PKD1: variants seen among roughly 807,000 people sequenced by gnomAD.
PKD1 encodes the protein polycystin-1.
Under a neutral mutation model 361.7 loss-of-function variants are expected in PKD1, and 81 were observed. The observed-to-expected ratio is 0.22, with a 90% CI of 0.19 to 0.27. The LOEUF is 0.27. PKD1 is among the 10% of genes least tolerant of loss of function. The pLI is 1.00. For synonymous variants in PKD1, 3,615 were observed against 2,818.3 expected (o/e 1.28, Z -8.95); for missense variants, 6,399 against 6,118.3 (o/e 1.05, Z -1.53).
intron 40 of PKD1, 37 bp from the exon 41 acceptor site, chr16:2,091,943 CCCTTCCGGCACCCCGGA>C (rs773002078): frequency 2.5e-6 from 4 of 1,611,720 alleles, no homozygotes; most frequent in Non-Finnish European, 3.4e-6. Context: ...CGCACCCCAG[CCCTTCCGGCACCCCGGA>C]GCCAGGCTGG....
At chr16:2,091,661 T>C (rs961699986) in intron 41 of PKD1, 64 bp from the exon 42 acceptor site, 152 of 1,559,256 alleles carry the variant, frequency 9.7e-5, no homozygotes, top group Non-Finnish European at 1.3e-4. Flanking sequence ...GACCGCGCAG[T>C]GCAGGCGTGG....
intron 45 of PKD1, 28 bp from the exon 46 acceptor site, chr16:2,090,222 T>G (rs374478045): frequency 1.2e-5 from 19 of 1,608,664 alleles, no homozygotes; most frequent in Non-Finnish European, 1.6e-5. Context: ...GCTCAGTCAG[T>G]CCGGCTGCAC....
At position 2,135,667 on chromosome 16, in the gene PKD1, C is replaced by A. The variant is rs1366403752; in HGVS notation, c.23G>T (p.Arg8Leu). The change falls in exon 1 of 46, where the codon CGC (arginine) becomes CTC (leucine). Residue 8 changes from arginine (R) to leucine (L), a missense_variant. Arg to Leu is a moderately radical substitution (Grantham distance 102). Transcript: ENST00000262304. ...GCCCAGGCCCAGGGCCAGCGCCAGG[C>A]GGGCGGGCGCGGCGGGCGGCATCGT... MPPAAPA[R>L]LALALGLGLW... The A allele has an allele frequency of 2.6e-6, 2 of 762,670 alleles. No homozygotes were observed. Among genetic ancestry groups the A allele is most frequent in the Non-Finnish European group, 3.2e-6 (2 of 628,726 alleles). The allele number at this position is 762,670 out of a possible 1,614,324, so 47.2% of individuals were successfully genotyped here.
intron 21 of PKD1, among the ~76,000 whole-genome samples, chr16:2,105,047 G>C (rs1248673610): frequency 1.5e-5 from 2 of 132,390 alleles, no homozygotes; most frequent in Non-Finnish European, 3.3e-5. Flanking sequence ...GGGGAGGGGA[G>C]GGGAGAGTGG....
chr16:2,109,700 C>A lies in PKD1; in HGVS notation c.5467G>T (p.Val1823Leu). 6.3e-7 allele frequency: 1 copy of A among 1,596,290 alleles called. No individual in the cohort carries two copies. Among genetic ancestry groups the A allele is most frequent in the Non-Finnish European group, 8.5e-7 (1 of 1,172,946 alleles). Residue 1823 changes from valine to leucine, a missense_variant, in exon 15 of 46, where the codon GTG becomes TTG. Transcript: ENST00000262304. Reference protein sequence around the residue: ...GGSFVAAGSSVPFWGQLATGT... With the variant: ...GGSFVAAGSSLPFWGQLATGT... ...GTGGCCAGCTGCCCCCAAAAGGGCA[C>A]AGAGGACCCGGCCGCCACGAAGCTG... is the stretch of plus-strand genomic sequence containing the variant.
At chr16:2,114,047 G>C (rs2092585961) in intron 11 of PKD1, 123 bp downstream of exon 11, 6 of 850,090 alleles carry the variant, frequency 7.1e-6, no homozygotes, top group Non-Finnish European at 1.1e-5. Context: ...ACCTGCCCGG[G>C]GCCGACGTCC....
Position 2,092,936 on chromosome 16 carries a change from T to C in PKD1, c.11156+18A>G, listed in dbSNP as rs1240808379. On this transcript the variant is annotated intron_variant, in intron 38 of 45. Transcript: ENST00000262304. Reference sequence around the variant, plus strand: ...AACTAAAGCCCAGAAGACAGACCAGTGCACCGGATGCCCGTACCGCGTGAT... The same window carrying C: ...AACTAAAGCCCAGAAGACAGACCAGCGCACCGGATGCCCGTACCGCGTGAT... 1.2e-6 allele frequency: 2 copies of C among 1,612,918 alleles called. No homozygotes were observed. Among genetic ancestry groups the C allele is most frequent in the African/African-American group, 1.3e-5 (1 of 75,050 alleles).
chr16:2,112,091 T>TCGGGGCAG (rs1316227472), intron 14 of PKD1, among the ~76,000 whole-genome samples: 2 of 152,134 alleles, frequency 1.3e-5, no homozygotes, highest in African/African-American at 4.8e-5. Context: ...GCAGCTGCAC[T>TCGGGGCAG]CGGGGCAGCA....
At chr16:2,128,558 C>G (rs1167700694) in intron 1 of PKD1, among the ~76,000 whole-genome samples, 1 of 152,208 alleles carries the variant, frequency 6.6e-6, no homozygotes, top group Non-Finnish European at 1.5e-5. Flanking sequence ...CACGGCTTCT[C>G]AAAGAGCCTC....
rs2091258923 is a variant in PKD1, at chr16:2,088,826, C to T, written c.*901G>A. Reference sequence around the variant, plus strand: ...GGTACACAGAAGCAGGCACAGCCAGCTCCGAGGGCCTTGAGGCTGCCTGGG... The same window carrying T: ...GGTACACAGAAGCAGGCACAGCCAGTTCCGAGGGCCTTGAGGCTGCCTGGG... On this transcript the variant is annotated 3_prime_UTR_variant, in exon 46 of 46. Coordinates refer to ENST00000262304, the MANE Select transcript of PKD1 (RefSeq NM_001009944.3). 2 of 638,488 alleles carry T rather than the reference C, an allele frequency of 3.1e-6. No homozygotes were observed. Among genetic ancestry groups the T allele is most frequent in the Non-Finnish European group, 5.3e-6 (2 of 376,026 alleles). The allele number at this position is 638,488 out of a possible 1,614,324, so 39.6% of individuals were successfully genotyped here.
In PKD1 at chr16:2,106,716, G is replaced by T; in HGVS notation, c.7210-39C>A. The T allele has an allele frequency of 1.9e-6, 3 of 1,545,294 alleles. No individual in the cohort carries two copies. The highest frequency in any genetic ancestry group is 2.6e-6 in the Non-Finnish European group (3 of 1,140,626). Reference sequence around the variant, plus strand: ...GGGTGGTGAGGGGGCGCAACCCTCTGCCCTGTCAGCCCCACTTCTGCCTGC... The same window carrying T: ...GGGTGGTGAGGGGGCGCAACCCTCTTCCCTGTCAGCCCCACTTCTGCCTGC... On this transcript the variant is annotated intron_variant, in intron 17 of 45. Transcript: ENST00000262304. This position sits in a 1 kb window ranked among gnomAD's most constrained non-coding sequence, Gnocchi z 6.5.
At position 2,117,855 on chromosome 16, in the gene PKD1, G is replaced by A; in HGVS notation, c.1137C>T (p.Asn379=). The A allele has an allele frequency of 7.7e-7, 1 of 1,302,480 alleles. No homozygotes were observed. The allele number at this position is 1,302,480 out of a possible 1,614,324, so 80.7% of individuals were successfully genotyped here. ...SDESLDLSIQ[N]RGGSGLEAAY... ...CGGCCTCCAGGCCTGAACCACCGCG[G>A]TTCTGGATGCTGAGGTCGAGGCTCT... Residue 379 remains asparagine, a synonymous_variant, in exon 5 of 46, where the codon AAC becomes AAT. Coordinates refer to ENST00000262304, the MANE Select transcript of PKD1 (RefSeq NM_001009944.3).
rs1004095951 is a variant in PKD1 at position 2,115,777 on chromosome 16, G to A, written c.1850-152C>T. The A allele has an allele frequency of 3.9e-6, 4 of 1,026,674 alleles. No homozygotes were observed. The African/African-American group carries it at 6.6e-5, about 17-fold the overall frequency. 63.6% of individuals were successfully genotyped at this position (1,026,674 alleles called of 1,614,324 possible). On this transcript the variant is annotated intron_variant, in intron 9 of 45. Transcript: ENST00000262304. Reference sequence around the variant, plus strand: ...CAGCCCAGTGCTGCGTCCGTCTCCGGCCAGCCGACTGACCCAGGCCGGCCC... The same window carrying A: ...CAGCCCAGTGCTGCGTCCGTCTCCGACCAGCCGACTGACCCAGGCCGGCCC...
Position 2,089,529 on chromosome 16 carries a change from G to A in PKD1, c.*198C>T, listed in dbSNP as rs1457668261. The A allele has an allele frequency of 1.1e-5, 7 of 637,306 alleles. No individual in the cohort carries two copies. Among genetic ancestry groups the A allele is most frequent in the Admixed American group, 2.6e-5 (1 of 37,856 alleles). The allele number at this position is 637,306 out of a possible 1,614,324, so 39.5% of individuals were successfully genotyped here. Reference sequence around the variant, plus strand: ...GCTGTGTCCTTCCCAAGGGAGCTGGGGAGGGGACCCTGGGTCCTGGTTGGC... The same window carrying A: ...GCTGTGTCCTTCCCAAGGGAGCTGGAGAGGGGACCCTGGGTCCTGGTTGGC... On this transcript the variant is annotated 3_prime_UTR_variant, in exon 46 of 46. Transcript: ENST00000262304.
Position 2,109,469 on chromosome 16 carries a change from C to T in PKD1, c.5698G>A (p.Ala1900Thr), listed in dbSNP as rs2092446162. Residue 1900 changes from alanine (A) to threonine (T), a missense_variant, in exon 15 of 46, where the codon GCG (alanine) becomes ACG (threonine). Physicochemically the swap from Ala to Thr is moderately conservative, Grantham distance 58 (BLOSUM62 0). Coordinates refer to ENST00000262304, the MANE Select transcript of PKD1 (RefSeq NM_001009944.3). The part of the protein sequence containing the change: ...LVLWASSKVV[A>T]PGQLVHFQIL... ...TGAAAATGGACCAGCTGCCCGGGCGCCACCACCTTGCTGCTGGCCCACAGC... is the reference window on the plus strand; with the variant it reads ...TGAAAATGGACCAGCTGCCCGGGCGTCACCACCTTGCTGCTGGCCCACAGC... 6.2e-7 allele frequency: 1 copy of T among 1,608,544 alleles called. No homozygotes were observed. Among genetic ancestry groups the T allele is most frequent in the South Asian group, 1.1e-5 (1 of 90,862 alleles).
Position 2,123,468 on chromosome 16 carries a change from G to A in PKD1, c.216-4090C>T, listed in dbSNP as rs768947432. 2.2e-5 allele frequency: 10 copies of A among 456,474 alleles called. No individual in the cohort carries two copies. In the East Asian group the frequency reaches 4.9e-4, roughly 22 times the overall value. 28.3% of individuals were successfully genotyped at this position (456,474 alleles called of 1,614,324 possible). A position where few individuals can be genotyped will look rare whatever the true frequency, so the allele number is the denominator to read the frequency against. On this transcript the variant is annotated intron_variant, in intron 1 of 45. Transcript: ENST00000262304. Reference sequence around the variant, plus strand: ...GGGGTCCCCGTGGAGTCCTCACCTCGCTTGCTCCCGTACTTTTTCACGTCT... The same window carrying A: ...GGGGTCCCCGTGGAGTCCTCACCTCACTTGCTCCCGTACTTTTTCACGTCT...
Position 2,115,459 on chromosome 16 carries a change from C to T in PKD1, c.2016G>A (p.Gly672=), listed in dbSNP as rs182824784. 25 of 1,600,276 alleles carry T rather than the reference C, an allele frequency of 1.6e-5. No individual in the cohort carries two copies. In the East Asian group the frequency reaches 5.4e-4, roughly 35 times the overall value. ...CATAGGGGGCCCCGGGTAGCCCTGGCCCTGACGTGCAGCCATTGGCGCAGG... is the reference window on the plus strand; with the variant it reads ...CATAGGGGGCCCCGGGTAGCCCTGGTCCTGACGTGCAGCCATTGGCGCAGG... ...PQACANGCTS[G]PGLPGAPYAL... The change falls in exon 10 of 46, where the codon GGG becomes GGA. Residue 672 remains glycine, a synonymous_variant. Coordinates refer to ENST00000262304, the MANE Select transcript of PKD1 (RefSeq NM_001009944.3).
rs1437294209 is a variant in PKD1 at position 2,097,177 on chromosome 16, G to T, written c.10470C>A (p.Thr3490=). The T allele has an allele frequency of 6.4e-7, 1 of 1,556,608 alleles. No individual in the cohort carries two copies. Among genetic ancestry groups the T allele is most frequent in the Non-Finnish European group, 8.7e-7 (1 of 1,150,122 alleles). ...TGCTGAGCAGGTCCGTTTCCATGTG[G>T]GTGTCTTGGGTAGGGGCTGGGCTGC... ...GVSSPAPTQD[T]HMETDLLSSL... is the part of the protein sequence containing the mutation. The change falls in exon 34 of 46, where the codon ACC becomes ACA. Residue 3490 remains threonine, a synonymous_variant. Coordinates refer to ENST00000262304, the MANE Select transcript of PKD1 (RefSeq NM_001009944.3).
chr16:2,112,804 C>A lies in PKD1; in HGVS notation c.3145G>T (p.Val1049Leu), dbSNP rs182938045. Residue 1049 changes from valine (V) to leucine (L), a missense_variant, in exon 13 of 46, where the codon GTG (valine) becomes TTG (leucine). Physicochemically the swap from Val to Leu is conservative, Grantham distance 32 (BLOSUM62 1). Coordinates refer to ENST00000262304, the MANE Select transcript of PKD1 (RefSeq NM_001009944.3). ...LTAGVLVDSA[V>L]EVAFLWTFGD... ...GTCACTCACAGGAAGGCCACCTCCA[C>A]GGCCGAGTCCACCAGCACGCCCGCC... The A allele has an allele frequency of 3.8e-6, 6 of 1,597,852 alleles. No individual in the cohort carries two copies. In the South Asian group the frequency reaches 6.6e-5, roughly 18 times the overall value.
Sources: allele counts gnomAD v4.1 joint callset (sites outside exome capture counted in the v4.1 genomes callset), GRCh38; gene constraint gnomAD v4.1.1; non-coding constraint Gnocchi (gnomAD v3.1); transcripts MANE v1.5; gene names NCBI Gene and HGNC (gene_info 2026-07-23, HGNC 2026-07-21).